Variants in CDH23 observed in about 807,000 individuals in gnomAD.
The protein encoded by CDH23 is cadherin related 23, also known as cadherin-23.
CDH23 carries 189 observed loss-of-function variants against 317.1 expected under a neutral mutation model. The ratio of observed to expected loss-of-function variants is 0.60; its 90% confidence interval spans 0.53 to 0.67. The LOEUF (loss-of-function observed/expected upper bound fraction) is 0.67, where lower values mean the gene tolerates loss of function less well. Among genes scored for constraint, CDH23 ranks in the 30% least tolerant of loss-of-function variants. CDH23 has a pLI of 0.00. For synonymous variants in CDH23, 1,839 were observed against 1,876.8 expected (o/e 0.98, Z 0.52); for missense variants, 4,401 against 4,592.4 (o/e 0.96, Z 1.20).
intron 38 of CDH23, chr10:71,773,437 C>T: frequency 6.3e-7 from 1 of 1,596,204 alleles, no homozygotes; most frequent in Non-Finnish European, 8.5e-7. Context: ...TGGGGACGCC[C>T]ATGTCGCCGT....
At position 71,568,830 on chromosome 10, in the gene CDH23, G is replaced by A. The variant is rs531307762; in HGVS notation, c.624+1894G>A. Among the ~76,000 whole-genome samples the A allele has an allele frequency of 1.4e-4, 21 of 152,320 alleles. 1 individual carries two copies. Among genetic ancestry groups the A allele is most frequent in the African/African-American group, 4.6e-4 (19 of 41,576 alleles). ...ATGGGCCCCAGAGTTACAGCTGGGA[G>A]CCTGACAGGATCACTCCCCTTTCCC... On this transcript the variant is annotated intron_variant, in intron 7 of 69. Transcript: ENST00000224721.
chr10:71,772,759 G>T (rs975218043), intron 38 of CDH23, among the ~76,000 whole-genome samples: 1 of 152,194 alleles, frequency 6.6e-6, no homozygotes, highest in Non-Finnish European at 1.5e-5. Flanking sequence ...GCAGGAATCA[G>T]CTGACCACTT....
At chr10:71,403,351 C>CTT (rs1352782220) in intron 1 of CDH23, among the ~76,000 whole-genome samples, 1 of 86,086 alleles carries the variant, frequency 1.2e-5, no homozygotes, top group African/African-American at 6.7e-5. Flanking sequence ...TTCTTTCTTT[C>CTT]TTTCTTTCTT....
intron 14 of CDH23, among the ~76,000 whole-genome samples, chr10:71,668,871 T>C (rs1430023373): frequency 1.3e-5 from 2 of 152,228 alleles, no homozygotes; most frequent in African/African-American, 4.8e-5. Flanking sequence ...TTCCTTTTTG[T>C]CAGCAGAAGA....
chr10:71,705,464 G>C (rs750442540), intron 25 of CDH23, among the ~76,000 whole-genome samples: 1 of 152,230 alleles, frequency 6.6e-6, no homozygotes, highest in African/African-American at 2.4e-5. Flanking sequence ...GTCATGAACA[G>C]GCAGGGAGGG....
At chr10:71,790,487 C>T in intron 46 of CDH23, 74 bp downstream of exon 46, 1 of 1,556,772 alleles carries the variant, frequency 6.4e-7, no homozygotes, top group Non-Finnish European at 8.7e-7. Flanking sequence ...GGATTGAGGG[C>T]CTCCCTTCTC....
At chr10:71,698,216 G>C (rs982391116) in intron 22 of CDH23, among the ~76,000 whole-genome samples, 1 of 152,152 alleles carries the variant, frequency 6.6e-6, no homozygotes, top group African/African-American at 2.4e-5. Context: ...AGTCAAGTTT[G>C]TCATAGCCAA....
At chr10:71,570,707 G>C in intron 7 of CDH23, 83 bp from the exon 8 acceptor site, 1 of 1,477,410 alleles carries the variant, frequency 6.8e-7, no homozygotes, top group Non-Finnish European at 9.3e-7. Context: ...GCACGGTGCA[G>C]GTCTGTGTGT....
At chr10:71,437,738 G>A (rs974429027) in intron 1 of CDH23, among the ~76,000 whole-genome samples, 1 of 152,172 alleles carries the variant, frequency 6.6e-6, no homozygotes, top group Non-Finnish European at 1.5e-5. Flanking sequence ...GAATTCATGT[G>A]AAAAGCCTGA....
At position 71,725,449 on chromosome 10, in the gene CDH23, C is replaced by A. The variant is rs199866703; in HGVS notation, c.3508C>A (p.Arg1170=). The change falls in exon 30 of 70, where the codon CGG becomes AGG. Residue 1170 remains arginine, a synonymous_variant. Transcript: ENST00000224721. The part of the protein sequence containing the change: ...MRGPRPLDRE[R]NSSHVLIVEA... ...AGGGCCCCGGCCCCTGGACCGGGAGCGGAACTCATCCCACGTGCTGATAGT... is the reference window on the plus strand; with the variant it reads ...AGGGCCCCGGCCCCTGGACCGGGAGAGGAACTCATCCCACGTGCTGATAGT... The A allele has an allele frequency of 1.4e-5, 23 of 1,613,900 alleles. No homozygotes were observed. The highest frequency in any genetic ancestry group is 1.9e-5 in the Non-Finnish European group (22 of 1,179,880).
intron 11 of CDH23, among the ~76,000 whole-genome samples, chr10:71,633,479 G>T (rs1343361176): frequency 6.6e-6 from 1 of 152,174 alleles, no homozygotes; most frequent in Non-Finnish European, 1.5e-5. Flanking sequence ...TGCCTGAGCA[G>T]CCCTGCCTGG....
At chr10:71,497,802 G>A (rs1411886114) in intron 3 of CDH23, among the ~76,000 whole-genome samples, 1 of 152,206 alleles carries the variant, frequency 6.6e-6, no homozygotes, top group African/African-American at 2.4e-5. Context: ...TGAGCTGGTT[G>A]ACTGTGGACT....
rs1380361591 is a variant in CDH23 at position 71,446,385 on chromosome 10, C to T, written c.135C>T (p.Asp45=). 3 of 1,614,016 alleles carry T rather than the reference C, an allele frequency of 1.9e-6. No homozygotes were observed. The highest frequency in any genetic ancestry group is 2.5e-6 in the Non-Finnish European group (3 of 1,179,882). The change falls in exon 3 of 70, where the codon GAC becomes GAT. Residue 45 remains aspartate (D), a synonymous_variant. Coordinates refer to ENST00000224721, the MANE Select transcript of CDH23 (RefSeq NM_022124.6). ...FFDTYLLISE[D]TPVGSSVTQL... ...ATACATACCTGCTGATCAGCGAGGA[C>T]ACGCCTGTGGGTGAGTGGGGGCATG...
Position 71,403,463 on chromosome 10 carries a change from TTCCTTCC to T in CDH23, c.-6+6147_-6+6153del, listed in dbSNP as rs1564558649. Among the ~76,000 whole-genome samples the T allele has an allele frequency of 1.1e-3, 44 of 39,310 alleles. 6 individuals are homozygous for T. The highest frequency in any genetic ancestry group is 4.3e-3 in the African/African-American group (18 of 4,188). 25.8% of individuals were successfully genotyped at this position (39,310 alleles called of 152,430 possible). A position where few individuals can be genotyped will look rare whatever the true frequency, so the allele number is the denominator to read the frequency against. On this transcript the variant is annotated intron_variant, in intron 1 of 69. Coordinates refer to ENST00000224721, the MANE Select transcript of CDH23 (RefSeq NM_022124.6). ...TTCCTTCCTTCCTTCCTTTCCTTCC[TTCCTTCC>T]TTCCTTCCTTCCTTCCTTCCTTCCT...
intron 6 of CDH23, among the ~76,000 whole-genome samples, chr10:71,531,892 G>A (rs952760046): frequency 2.0e-5 from 3 of 152,210 alleles, no homozygotes; most frequent in Non-Finnish European, 2.9e-5. Flanking sequence ...GAACAACAGT[G>A]TCAGTGATTC....
intron 6 of CDH23, among the ~76,000 whole-genome samples, chr10:71,524,530 T>C (rs138157535): frequency 2.3e-4 from 35 of 152,240 alleles, no homozygotes; most frequent in African/African-American, 8.2e-4. Flanking sequence ...AATCGCGTCA[T>C]CTAATGGGGC....
Position 71,779,407 on chromosome 10 carries a change from C to A in CDH23, c.5328C>A (p.Asn1776Lys), listed in dbSNP as rs371522191. Reference protein sequence around the residue: ...FLAHDRDSGPNGQVEYSIMDG... With the variant: ...FLAHDRDSGPKGQVEYSIMDG... The stretch of plus-strand genomic sequence containing the variant: ...CCCATGACCGAGACTCAGGACCCAA[C>A]GGGCAGGTGGAGTACAGCATCATGG... The change falls in exon 41 of 70, where the codon AAC (asparagine) becomes AAA (lysine). Residue 1776 changes from asparagine to lysine, a missense_variant. This residue lies in a region of CDH23 where 3,068 missense variants were observed against 3,203.3 expected (regional missense o/e 0.96). Coordinates refer to ENST00000224721, the MANE Select transcript of CDH23 (RefSeq NM_022124.6). The A allele has an allele frequency of 1.2e-5, 20 of 1,612,948 alleles. No homozygotes were observed. Among genetic ancestry groups the A allele is most frequent in the Non-Finnish European group, 1.7e-5 (20 of 1,179,272 alleles).
At chr10:71,601,735 G>A (rs1227153172) in intron 9 of CDH23, among the ~76,000 whole-genome samples, 1 of 152,188 alleles carries the variant, frequency 6.6e-6, no homozygotes, top group Non-Finnish European at 1.5e-5. Flanking sequence ...TTTCTATACT[G>A]GAGCTCTGTG....
chr10:71,498,048 G>T (rs1853072458), intron 3 of CDH23, among the ~76,000 whole-genome samples: 1 of 152,134 alleles, frequency 6.6e-6, no homozygotes, highest in Non-Finnish European at 1.5e-5. Context: ...TGACCCATTT[G>T]CCAAGATTGT....
Sources: allele counts gnomAD v4.1 joint callset (sites outside exome capture counted in the v4.1 genomes callset), GRCh38; gene constraint gnomAD v4.1.1; regional missense constraint gnomAD v4.1.1; transcripts MANE v1.5; gene names NCBI Gene and HGNC (gene_info 2026-07-23, HGNC 2026-07-21).